COL4A1: variants seen among roughly 807,000 people sequenced by gnomAD.
COL4A1 encodes collagen type IV alpha 1 chain, also known as collagen alpha-1(IV) chain.
Under a neutral mutation model 216.6 loss-of-function variants are expected in COL4A1, and 40 were observed. The observed-to-expected ratio is 0.18, with a 90% CI of 0.14 to 0.24. The LOEUF (loss-of-function observed/expected upper bound fraction) is 0.24. Among genes scored for constraint, COL4A1 ranks in the 10% least tolerant of loss-of-function variants. COL4A1 has a pLI of 1.00. For missense variants in COL4A1, 1,628 were observed against 2,196.8 expected (o/e 0.74, Z 5.18); for synonymous variants, 839 against 810.7 (o/e 1.03, Z -0.59).
intron 1 of COL4A1, among the ~76,000 whole-genome samples, chr13:110,275,767 A>G (rs952548489): frequency 1.3e-5 from 2 of 152,222 alleles, no homozygotes; most frequent in Admixed American, 6.5e-5. Context: ...CCTCAAATGC[A>G]TATTACTAAG....
intron 1 of COL4A1, among the ~76,000 whole-genome samples, chr13:110,288,425 A>G (rs1016867555): frequency 1.3e-5 from 2 of 152,190 alleles, no homozygotes; most frequent in Non-Finnish European, 2.9e-5. Context: ...TCCATGGCTC[A>G]GGAGATCAGC....
intron 26 of COL4A1, among the ~76,000 whole-genome samples, chr13:110,184,026 G>A (rs1004897153): frequency 2.6e-5 from 4 of 152,228 alleles, no homozygotes; most frequent in Non-Finnish European, 5.9e-5. Context: ...CAGACTGTGG[G>A]AAACGCCAAC....
chr13:110,262,153 G>C (rs1882854569), intron 1 of COL4A1, among the ~76,000 whole-genome samples: 1 of 152,202 alleles, frequency 6.6e-6, no homozygotes, highest in East Asian at 1.9e-4. Flanking sequence ...AGGAGCTTCA[G>C]AAACAGATTC....
chr13:110,265,368 A>G (rs1882988067), intron 1 of COL4A1: 1 of 152,254 alleles, frequency 6.6e-6, no homozygotes. Context: ...AAAAGTATTA[A>G]AGTAGTCAAA....
Position 110,307,127 on chromosome 13 carries a change from T to C in COL4A1, c.-100A>G. On this transcript the variant is annotated 5_prime_UTR_variant, in exon 1 of 52. Transcript: ENST00000375820. The surrounding 1 kb of genome is among the most constrained non-coding windows in gnomAD (Gnocchi z 5.0). ...GCCGGACTTCCAGCGCTACGCACCGTCCCGGGTGCGGCGGCTCCAAGCGGA... is the reference window on the plus strand; with the variant it reads ...GCCGGACTTCCAGCGCTACGCACCGCCCCGGGTGCGGCGGCTCCAAGCGGA... The C allele has an allele frequency of 1.0e-6, 1 of 959,958 alleles. No individual in the cohort carries two copies. Among genetic ancestry groups the C allele is most frequent in the South Asian group, 2.2e-5 (1 of 45,022 alleles). The allele number at this position is 959,958 out of a possible 1,614,324, so 59.5% of individuals were successfully genotyped here. A position where few individuals can be genotyped will look rare whatever the true frequency, so the allele number is the denominator to read the frequency against.
intron 2 of COL4A1, among the ~76,000 whole-genome samples, chr13:110,219,728 G>GTA (rs79968548): frequency 3.7e-5 from 4 of 109,310 alleles, no homozygotes; most frequent in South Asian, 3.0e-4. Flanking sequence ...ATATATGTGT[G>GTA]TATATATATG....
At chr13:110,183,481 T>C (rs537177743) in intron 26 of COL4A1, among the ~76,000 whole-genome samples, 21 of 152,266 alleles carry the variant, frequency 1.4e-4, no homozygotes, top group African/African-American at 4.8e-4. Context: ...CCCCATGCGT[T>C]TGCATGTCCA....
In COL4A1 at chr13:110,212,449, G is replaced by A; in HGVS notation, c.355C>T (p.Pro119Ser). 1 of 1,614,030 alleles carries A rather than the reference G, an allele frequency of 6.2e-7. No homozygotes were observed. The highest frequency in any genetic ancestry group is 8.5e-7 in the Non-Finnish European group (1 of 1,180,044). The change falls in exon 6 of 52, where the codon CCC (proline) becomes TCC (serine). Residue 119 changes from proline to serine, a missense_variant. Around this residue, in one of 8 missense-constraint regions of COL4A1, gnomAD observed 150 missense variants for 211.9 expected, o/e 0.71. Transcript: ENST00000375820. The part of the protein sequence containing the change: ...GIPGQDGPPG[P>S]PGIPGCNGTK... ...CCATTGCATCCTGGAATACCTGGGGGGCCTGGCGGGCCGTCTTGGCCAGGA... is the reference window on the plus strand; with the variant it reads ...CCATTGCATCCTGGAATACCTGGGGAGCCTGGCGGGCCGTCTTGGCCAGGA...
At chr13:110,219,819 T>C (rs1880335215) in intron 2 of COL4A1, among the ~76,000 whole-genome samples, 1 of 132,966 alleles carries the variant, frequency 7.5e-6, no homozygotes, top group Non-Finnish European at 1.5e-5. Context: ...TGTATATATG[T>C]ATATATATGT....
intron 24 of COL4A1, 96 bp from the exon 25 acceptor site, chr13:110,187,425 C>A (rs1353923684): frequency 1.4e-6 from 2 of 1,445,590 alleles, no homozygotes; most frequent in Non-Finnish European, 1.9e-6. Context: ...AAGAAGCCAC[C>A]TTCTTGAAAA....
At chr13:110,232,747 A>G (rs1881123181) in intron 2 of COL4A1, among the ~76,000 whole-genome samples, 11 of 152,148 alleles carry the variant, frequency 7.2e-5, no homozygotes. Context: ...GTGATCTGCC[A>G]TTCGAGATAC....
Position 110,268,347 on chromosome 13 carries a change from C to T in COL4A1, c.85-25613G>A, listed in dbSNP as rs1208972284. ...GCTTGGACCTGAATGCAAAAGATGGCAGGGATTTCTTGGGTGGGGAGGGGA... is the reference window on the plus strand; with the variant it reads ...GCTTGGACCTGAATGCAAAAGATGGTAGGGATTTCTTGGGTGGGGAGGGGA... On this transcript the variant is annotated intron_variant, in intron 1 of 51. Coordinates refer to ENST00000375820, the MANE Select transcript of COL4A1 (RefSeq NM_001845.6). This position sits in a 1 kb window ranked among gnomAD's most constrained non-coding sequence, Gnocchi z 4.1. Among the ~76,000 whole-genome samples the T allele has an allele frequency of 6.6e-6, 1 of 151,882 alleles. No individual in the cohort carries two copies. The highest frequency in any genetic ancestry group is 6.6e-5 in the Admixed American group (1 of 15,266).
chr13:110,218,531 A>C (rs1196153570), intron 2 of COL4A1, among the ~76,000 whole-genome samples: 1 of 152,218 alleles, frequency 6.6e-6, no homozygotes, highest in Non-Finnish European at 1.5e-5. Context: ...AAATTGTTTT[A>C]TTCATTCATG....
chr13:110,253,955 T>C (rs1882396964), intron 1 of COL4A1, among the ~76,000 whole-genome samples: 1 of 151,914 alleles, frequency 6.6e-6, no homozygotes, highest in African/African-American at 2.4e-5. Context: ...AGAAATGCGC[T>C]ACAGGTTGAA....
At chr13:110,192,520 T>C (rs1367042603) in intron 23 of COL4A1, among the ~76,000 whole-genome samples, 2 of 152,162 alleles carry the variant, frequency 1.3e-5, no homozygotes, top group Non-Finnish European at 2.9e-5. Context: ...CCTGCCCCCC[T>C]GCCCACACAC....
intron 2 of COL4A1, among the ~76,000 whole-genome samples, chr13:110,220,798 A>G (rs1291933751): frequency 6.6e-6 from 1 of 152,202 alleles, no homozygotes; most frequent in Non-Finnish European, 1.5e-5. Flanking sequence ...TGGCCGAAAG[A>G]ACAGTGGCTG....
intron 1 of COL4A1, among the ~76,000 whole-genome samples, chr13:110,303,873 A>G (rs1202994287): frequency 6.6e-6 from 1 of 152,238 alleles, no homozygotes; most frequent in Non-Finnish European, 1.5e-5. Context: ...GTGTGTGTGG[A>G]ATGAAGGAAG....
At chr13:110,226,155 A>T (rs568493214) in intron 2 of COL4A1, among the ~76,000 whole-genome samples, 2 of 152,238 alleles carry the variant, frequency 1.3e-5, no homozygotes, top group East Asian at 3.9e-4. Flanking sequence ...GAAGTATCTC[A>T]TTCCTGTTTT....
intron 49 of COL4A1, among the ~76,000 whole-genome samples, chr13:110,157,349 G>A: frequency 6.6e-6 from 1 of 152,216 alleles, no homozygotes; most frequent in East Asian, 1.9e-4. Context: ...CTGGAAAACT[G>A]CCACCTTTTC....
Sources: gnomAD v4.1 joint callset for allele counts (sites outside exome capture counted in the v4.1 genomes callset) on GRCh38, gnomAD v4.1.1 for gene constraint, gnomAD v4.1.1 regional missense constraint, Gnocchi (gnomAD v3.1) non-coding constraint, MANE v1.5 for transcripts, NCBI Gene and HGNC (gene_info 2026-07-23, HGNC 2026-07-21) for gene names.